The following NPSR1 variants were observed in gnomAD, a reference collection of about 807,000 sequenced individuals.
NPSR1 encodes neuropeptide S receptor.
NPSR1 carries 48 observed loss-of-function variants against 46.9 expected under a neutral mutation model. The ratio of observed to expected loss-of-function variants is 1.02; its 90% CI spans 0.81 to 1.30. NPSR1 has a LOEUF of 1.30. Among genes scored for constraint, NPSR1 ranks in the 50% most tolerant of loss-of-function variants. The pLI is 0.00. For missense variants in NPSR1, 450 were observed against 449.5 expected (o/e 1.00, Z -0.01); for synonymous variants, 176 against 168.1 (o/e 1.05, Z -0.36).
chr7:34,743,388 T>C (rs1785045443), intron 2 of NPSR1, among the ~76,000 whole-genome samples: 1 of 152,090 alleles, frequency 6.6e-6, no homozygotes, highest in Admixed American at 6.6e-5. Flanking sequence ...ATCTCAGCAC[T>C]ATTTATTGAA....
intron 8 of NPSR1, among the ~76,000 whole-genome samples, chr7:34,869,938 G>A (rs541515550): frequency 2.2e-4 from 34 of 151,840 alleles, no homozygotes; most frequent in East Asian, 1.9e-3. Flanking sequence ...TATTTACACC[G>A]TGGAAATCAG....
intron 2 of NPSR1, among the ~76,000 whole-genome samples, chr7:34,706,734 G>T (rs1794132767): frequency 6.6e-6 from 1 of 151,764 alleles, no homozygotes; most frequent in Non-Finnish European, 1.5e-5. Context: ...AAATTTCAGG[G>T]TTTCTTGAGC....
At chr7:34,808,106 T>C (rs1788799197) in intron 3 of NPSR1, among the ~76,000 whole-genome samples, 1 of 152,058 alleles carries the variant, frequency 6.6e-6, no homozygotes. Flanking sequence ...AGGCAGAGCT[T>C]GGGCCGATAT....
intron 3 of NPSR1, chr7:34,779,542 G>A (rs1787134129): frequency 8.8e-7 from 1 of 1,142,808 alleles, no homozygotes; most frequent in Non-Finnish European, 1.2e-6. Flanking sequence ...ATTATTTTCA[G>A]GTCATGGTAA....
downstream of NPSR1, among the ~76,000 whole-genome samples, chr7:34,850,898 T>C (rs1291203653): frequency 6.6e-6 from 1 of 152,192 alleles, no homozygotes; most frequent in Non-Finnish European, 1.5e-5. Flanking sequence ...GTCACAGCCT[T>C]TGTCTAGCAC....
At chr7:34,733,750 T>C (rs1309656601) in intron 2 of NPSR1, among the ~76,000 whole-genome samples, 2 of 152,258 alleles carry the variant, frequency 1.3e-5, no homozygotes, top group African/African-American at 2.4e-5. Context: ...TTTGCATTTA[T>C]AGAATCTGTG....
intron 2 of NPSR1, among the ~76,000 whole-genome samples, chr7:34,775,411 T>G (rs924316751): frequency 6.6e-6 from 1 of 152,194 alleles, no homozygotes; most frequent in Non-Finnish European, 1.5e-5. Flanking sequence ...TTGAGTAAGA[T>G]GATATTAGTT....
intron 1 of NPSR1, among the ~76,000 whole-genome samples, chr7:34,671,268 A>G (rs1792041855): frequency 6.6e-6 from 1 of 152,200 alleles, no homozygotes. Context: ...AAAGTAAGAA[A>G]TTCTCTCTGA....
At chr7:34,755,400 A>G (rs1000733762) in intron 2 of NPSR1, among the ~76,000 whole-genome samples, 3 of 152,236 alleles carry the variant, frequency 2.0e-5, no homozygotes, top group Non-Finnish European at 2.9e-5. Flanking sequence ...TTACATAAAT[A>G]GAACCTTACA....
At chr7:34,701,455 T>C (rs562940829) in intron 2 of NPSR1, among the ~76,000 whole-genome samples, 1 of 152,300 alleles carries the variant, frequency 6.6e-6, no homozygotes, top group East Asian at 1.9e-4. Flanking sequence ...GTGACTTACA[T>C]CACCCCTCCC....
At chr7:34,763,056 T>C (rs1055416150) in intron 2 of NPSR1, among the ~76,000 whole-genome samples, 1 of 152,212 alleles carries the variant, frequency 6.6e-6, no homozygotes, top group African/African-American at 2.4e-5. Flanking sequence ...TTTGCAAATA[T>C]GTTTAATTGG....
chr7:34,750,302 G>C (rs948833477), intron 2 of NPSR1: 5 of 697,536 alleles, frequency 7.2e-6, no homozygotes, highest in Non-Finnish European at 1.4e-5. Flanking sequence ...TATTTTCTTG[G>C]GTGTCCTGTC....
intron 2 of NPSR1, among the ~76,000 whole-genome samples, chr7:34,735,135 T>C (rs1423407632): frequency 1.3e-5 from 2 of 152,086 alleles, no homozygotes; most frequent in African/African-American, 2.4e-5. Context: ...GGAAAGATAA[T>C]TGAGATAGTG....
At chr7:34,837,246 A>G (rs1261045671) in intron 6 of NPSR1, among the ~76,000 whole-genome samples, 3 of 152,236 alleles carry the variant, frequency 2.0e-5, no homozygotes, top group African/African-American at 4.8e-5. Context: ...TAAACAGCCA[A>G]TATTATCCTA....
chr7:34,713,978 T>C (rs1783428131), intron 2 of NPSR1, among the ~76,000 whole-genome samples: 1 of 152,250 alleles, frequency 6.6e-6, no homozygotes, highest in Non-Finnish European at 1.5e-5. Context: ...AAACATCAGT[T>C]TATTGCCTTT....
intron 2 of NPSR1, among the ~76,000 whole-genome samples, chr7:34,774,286 T>G (rs376233447): frequency 6.6e-6 from 1 of 152,178 alleles, no homozygotes. Context: ...AACCCCCATA[T>G]AGCCATAAGT....
chr7:34,664,957 C>G (rs928177263), intron 1 of NPSR1, among the ~76,000 whole-genome samples: 3 of 152,192 alleles, frequency 2.0e-5, no homozygotes, highest in Admixed American at 2.0e-4. Flanking sequence ...CTTGTCAGCA[C>G]TTTACAGTTT....
At chr7:34,801,490 C>T (rs1159675250) in intron 3 of NPSR1, among the ~76,000 whole-genome samples, 1 of 115,072 alleles carries the variant, frequency 8.7e-6, no homozygotes, top group Non-Finnish European at 1.7e-5. Flanking sequence ...TCAATAGATG[C>T]AGAAAAGGCC....
intron 2 of NPSR1, chr7:34,751,383 T>C: frequency 9.8e-7 from 1 of 1,024,734 alleles, no homozygotes; most frequent in Non-Finnish European, 1.6e-6. Flanking sequence ...TATAGAGGCC[T>C]GAGTTGTTGT....
Sources: allele counts gnomAD v4.1 joint callset (sites outside exome capture counted in the v4.1 genomes callset), GRCh38; gene constraint gnomAD v4.1.1; transcripts MANE v1.5; gene names NCBI Gene and HGNC (gene_info 2026-07-23, HGNC 2026-07-21).